The following ABI3BP variants were observed in gnomAD, a reference collection of about 807,000 sequenced individuals.
ABI3BP encodes target of Nesh-SH3.
In ABI3BP, 216 loss-of-function variants were observed where a neutral mutation model predicts 268.6. The observed-to-expected ratio is 0.80, with a 90% confidence interval of 0.72 to 0.90. The LOEUF is 0.90. ABI3BP is among the 40% of genes least tolerant of loss of function. ABI3BP has a pLI of 0.00. For missense variants in ABI3BP, 2,090 were observed against 2,182.4 expected (o/e 0.96, Z 0.84); for synonymous variants, 730 against 730.0 (o/e 1.00, Z 0.00).
intron 1 of ABI3BP, among the ~76,000 whole-genome samples, chr3:100,931,888 A>C (rs1158245478): frequency 6.6e-6 from 1 of 151,934 alleles, no homozygotes; most frequent in Non-Finnish European, 1.5e-5. Context: ...AAAACAGCCC[A>C]AGTAGCCAAA....
At chr3:100,766,277 TA>T (rs1453836590) in intron 62 of ABI3BP, among the ~76,000 whole-genome samples, 2 of 152,232 alleles carry the variant, frequency 1.3e-5, no homozygotes, top group Admixed American at 1.3e-4. Flanking sequence ...GTGAGTCAGA[TA>T]GTCTGCCGCT....
chr3:100,945,604 C>A (rs746578638), intron 1 of ABI3BP: 6 of 445,964 alleles, frequency 1.3e-5, no homozygotes, highest in Non-Finnish European at 2.7e-5. Context: ...TCACACCTGG[C>A]TTCTTTCATT....
At chr3:100,810,588 C>A in intron 48 of ABI3BP, 111 bp from the exon 49 acceptor site, 1 of 730,896 alleles carries the variant, frequency 1.4e-6, no homozygotes, top group South Asian at 2.3e-5. Flanking sequence ...AAGAAAATTG[C>A]AAGTCTGCAG....
intron 57 of ABI3BP, among the ~76,000 whole-genome samples, chr3:100,783,113 C>A (rs1239831404): frequency 1.3e-5 from 2 of 152,204 alleles, no homozygotes; most frequent in African/African-American, 2.4e-5. Context: ...GAAATCGGTT[C>A]TTAAATGTAC....
chr3:100,857,505 C>A (rs2098952690), intron 14 of ABI3BP, among the ~76,000 whole-genome samples: 1 of 152,182 alleles, frequency 6.6e-6, no homozygotes, highest in Non-Finnish European at 1.5e-5. Context: ...GATTTGTGAT[C>A]ACATTCACAA....
intron 4 of ABI3BP, among the ~76,000 whole-genome samples, chr3:100,892,888 A>G (rs1040552539): frequency 1.3e-5 from 2 of 152,226 alleles, no homozygotes; most frequent in South Asian, 4.1e-4. Flanking sequence ...GGAGAAAAGG[A>G]AAGGTGTGAT....
chr3:100,821,597 C>CT (rs369631203), intron 38 of ABI3BP, among the ~76,000 whole-genome samples: 5,659 of 118,896 alleles, frequency 0.048, 220 homozygotes, highest in Non-Finnish European at 0.065. Context: ...TGAAGTAAGA[C>CT]TTTTTTTTTT....
At chr3:100,904,936 A>G (rs2153518311) in intron 2 of ABI3BP, among the ~76,000 whole-genome samples, 1 of 152,368 alleles carries the variant, frequency 6.6e-6, no homozygotes, top group Non-Finnish European at 1.5e-5. Flanking sequence ...ATTATAAATC[A>G]TGCTGCTATA....
At chr3:100,951,315 C>A (rs2074887762) in intron 1 of ABI3BP, among the ~76,000 whole-genome samples, 1 of 151,910 alleles carries the variant, frequency 6.6e-6, no homozygotes, top group Admixed American at 6.6e-5. Flanking sequence ...TATCCTAATT[C>A]TCATTTTCCA....
chr3:100,874,840 C>CAACTAGTTCAAGACA lies in ABI3BP; in HGVS notation c.910_910+1insTGTCTTGAACTAGTT (p.Ala304delinsValSerTer). The stretch of plus-strand genomic sequence containing the variant: ...TTCAAATACAAAACTTTTCTGCTTA[C>CAACTAGTTCAAGACA]CTAATTGTGTCTTGAGTGCATCTGA... On this transcript the variant is annotated stop_gained and protein_altering_variant and splice_region_variant. Transcript: ENST00000471714. LOFTEE classifies it high-confidence loss of function. 6.3e-7 allele frequency: 1 copy of CAACTAGTTCAAGACA among 1,578,214 alleles called. No homozygotes were observed. Among genetic ancestry groups the CAACTAGTTCAAGACA allele is most frequent in the Non-Finnish European group, 8.6e-7 (1 of 1,157,384 alleles).
chr3:100,825,785 C>T lies in ABI3BP; in HGVS notation c.2662G>A (p.Ala888Thr), dbSNP rs1441528206. ...AGCCAGGTAATTGTAGGGTCGTTAC[C>T]TAAGGTTGTTGCAGGGATCTCAGTT... is the stretch of plus-strand genomic sequence containing the variant. ...FRTEIPATTL[A>T]TKTSKRTRPP... is the part of the protein sequence containing the mutation. The change falls in exon 35 of 68, where the codon GCT (alanine) becomes ACT (threonine). Residue 888 changes from alanine (A) to threonine (T), a missense_variant and splice_region_variant. By Grantham distance (58) the Ala-to-Thr change is moderately conservative. Transcript: ENST00000471714. The T allele has an allele frequency of 1.2e-5, 18 of 1,534,858 alleles. No individual in the cohort carries two copies. The highest frequency in any genetic ancestry group is 1.5e-5 in the Non-Finnish European group (17 of 1,146,004).
Position 100,752,805 on chromosome 3 carries a change from A to G in ABI3BP, c.5104T>C (p.Leu1702=), listed in dbSNP as rs750389000. The stretch of plus-strand genomic sequence containing the variant: ...TGCTTACCTGTGAGGGAGTCGCTCA[A>G]GTAAATCTTGTATCTGAGAGAGTTG... The part of the protein sequence containing the change: ...LCNSLRYKIY[L]SDSLTGKFYN... The change falls in exon 66 of 68, where the codon TTG becomes CTG. Residue 1702 remains leucine (L), a synonymous_variant. Coordinates refer to ENST00000471714, the MANE Select transcript of ABI3BP (RefSeq NM_001375547.2). The G allele has an allele frequency of 3.1e-6, 5 of 1,613,158 alleles. No individual in the cohort carries two copies.
chr3:100,926,630 C>A, intron 1 of ABI3BP, 149 bp from the exon 2 acceptor site: 2 of 683,404 alleles, frequency 2.9e-6, no homozygotes, highest in South Asian at 2.0e-5. Flanking sequence ...CACACCCAAA[C>A]GCCCAAAATG....
At chr3:100,839,012 T>C (rs2098652031) in intron 24 of ABI3BP, among the ~76,000 whole-genome samples, 1 of 152,232 alleles carries the variant, frequency 6.6e-6, no homozygotes, top group South Asian at 2.1e-4. Context: ...TTGGGACTTT[T>C]AATGCTGTCA....
chr3:100,863,951 G>T, intron 12 of ABI3BP, 51 bp downstream of exon 12: 1 of 1,240,446 alleles, frequency 8.1e-7, no homozygotes, highest in Non-Finnish European at 1.1e-6. Context: ...TTTGAAGCAT[G>T]CATACAATAT....
At chr3:100,908,478 G>A (rs1192216331) in intron 2 of ABI3BP, among the ~76,000 whole-genome samples, 1 of 152,092 alleles carries the variant, frequency 6.6e-6, no homozygotes, top group Non-Finnish European at 1.5e-5. Context: ...CAAGGGATGT[G>A]AAGGGCTTCT....
intron 34 of ABI3BP, among the ~76,000 whole-genome samples, chr3:100,826,656 C>T (rs1219386332): frequency 1.3e-5 from 2 of 152,098 alleles, no homozygotes; most frequent in Non-Finnish European, 2.9e-5. Flanking sequence ...GGTCATCACA[C>T]AAATAACTAA....
intron 6 of ABI3BP, among the ~76,000 whole-genome samples, chr3:100,884,595 C>T (rs935006246): frequency 1.3e-5 from 2 of 151,944 alleles, no homozygotes; most frequent in African/African-American, 4.8e-5. Context: ...CCACATGATC[C>T]ATGGGGCTAT....
intron 2 of ABI3BP, among the ~76,000 whole-genome samples, chr3:100,913,101 C>G (rs1481395129): frequency 2.0e-5 from 3 of 152,150 alleles, no homozygotes; most frequent in African/African-American, 4.8e-5. Context: ...ACCAGTAGTT[C>G]TAAGTTTCAA....
Sources: gnomAD v4.1 joint callset for allele counts (sites outside exome capture counted in the v4.1 genomes callset) on GRCh38, gnomAD v4.1.1 for gene constraint, MANE v1.5 for transcripts, NCBI Gene and HGNC (gene_info 2026-07-23, HGNC 2026-07-21) for gene names.